The following NDE1 variants were observed in gnomAD, a reference collection of about 807,000 sequenced individuals.
NDE1 encodes the protein nudE neurodevelopment protein 1.
NDE1 carries 28 observed loss-of-function variants against 43.4 expected under a neutral mutation model. That is an observed-to-expected ratio of 0.65 (90% CI 0.48 to 0.89). The LOEUF is 0.89. Among genes scored for constraint, NDE1 ranks in the 40% least tolerant of loss-of-function variants. NDE1 has a pLI of 0.00. For missense variants in NDE1, 441 were observed against 434.1 expected (o/e 1.02, Z -0.14); for synonymous variants, 184 against 172.0 (o/e 1.07, Z -0.55).
intron 8 of NDE1, among the ~76,000 whole-genome samples, chr16:15,723,125 G>C (rs1296208669): frequency 6.6e-6 from 1 of 152,068 alleles, no homozygotes; most frequent in African/African-American, 2.4e-5. Context: ...CTTAAAAGTT[G>C]GTATTTAGGG....
intron 1 of NDE1, among the ~76,000 whole-genome samples, chr16:15,659,993 C>A (rs140832784): frequency 6.6e-6 from 1 of 151,452 alleles, no homozygotes; most frequent in African/African-American, 2.4e-5. Flanking sequence ...GTGATCTGCC[C>A]GCCTCGGCCT....
chr16:15,643,494 A>G (rs2036200706), exon 1 of NDE1: 2 of 401,972 alleles, frequency 5.0e-6, no homozygotes. Context: ...CCAGGATTTA[A>G]TAGAATTCAG....
At position 15,720,828 on chromosome 16, in the gene NDE1, G is replaced by C. The variant is rs761066365; in HGVS notation, c.948-3363G>C. ...CGACCTCCCTCTGCTGGCCTCCCCG[G>C]CAGCACGCACCTGTCTCTGCAGTTG... On this transcript the variant is annotated intron_variant, in intron 8 of 8. Coordinates refer to ENST00000396354, the MANE Select transcript of NDE1 (RefSeq NM_017668.3). 3.1e-6 allele frequency: 5 copies of C among 1,612,684 alleles called. No homozygotes were observed. Among genetic ancestry groups the C allele is most frequent in the Admixed American group, 3.3e-5 (2 of 59,968 alleles).
chr16:15,643,857 C>T (rs149326756), exon 1 of NDE1: 4 of 156,596 alleles, frequency 2.6e-5, no homozygotes, highest in African/African-American at 9.6e-5. Context: ...AAAAGCCCTG[C>T]TCCAAAGCTG....
intron 1 of NDE1, among the ~76,000 whole-genome samples, chr16:15,653,005 A>G (rs2036579816): frequency 6.6e-6 from 1 of 152,114 alleles, no homozygotes; most frequent in African/African-American, 2.4e-5. Flanking sequence ...CTTACTGTAT[A>G]TATGTGTATG....
At chr16:15,657,222 C>T (rs114326493) in intron 1 of NDE1, among the ~76,000 whole-genome samples, 4,435 of 151,980 alleles carry the variant, frequency 0.029, 92 homozygotes, top group South Asian at 0.068. Context: ...CTCAGTCTTC[C>T]GAGTAGCTGG....
At chr16:15,654,527 C>T (rs867296505) in intron 1 of NDE1, among the ~76,000 whole-genome samples, 24 of 137,916 alleles carry the variant, frequency 1.7e-4, no homozygotes, top group Admixed American at 1.7e-3. Flanking sequence ...CTTGAAGCTG[C>T]GAGGCAGAGG....
At chr16:15,651,010 C>T (rs1485061182) in intron 1 of NDE1, among the ~76,000 whole-genome samples, 4 of 152,188 alleles carry the variant, frequency 2.6e-5, no homozygotes, top group African/African-American at 9.7e-5. Context: ...AATGCTTATT[C>T]CGCAGCTTGA....
chr16:15,673,717 A>G (rs2037718834), intron 3 of NDE1, among the ~76,000 whole-genome samples: 1 of 151,952 alleles, frequency 6.6e-6, no homozygotes, highest in Non-Finnish European at 1.5e-5. Flanking sequence ...TTTTCTGTAG[A>G]GATGGAGTCT....
intron 8 of NDE1, among the ~76,000 whole-genome samples, chr16:15,723,578 G>T: frequency 6.6e-6 from 1 of 152,178 alleles, no homozygotes; most frequent in East Asian, 1.9e-4. Context: ...ACCCAGTGGT[G>T]GAGGTTGCGG....
chr16:15,647,085 A>AC (rs2036345939), upstream of NDE1, among the ~76,000 whole-genome samples: 1 of 152,230 alleles, frequency 6.6e-6, no homozygotes, highest in Non-Finnish European at 1.5e-5. Flanking sequence ...AAGGCATCAG[A>AC]CGTAGTAAAG....
At chr16:15,700,467 A>G (rs910630824) in intron 8 of NDE1, 72 of 143,666 alleles carry the variant, frequency 5.0e-4, no homozygotes, top group African/African-American at 1.7e-3. Context: ...TTTTTGAGAC[A>G]GAGTCATGCT....
At position 15,694,276 on chromosome 16, in the gene NDE1, G is replaced by T. The variant is rs2038902134; in HGVS notation, c.795+20G>T. On this transcript the variant is annotated intron_variant, in intron 7 of 8. Transcript: ENST00000396354. ...GTCGGGGTAAGACCACACTTTCCTG[G>T]CGTTTGGTGCCTTCCTGCCTGTCTT... is the stretch of plus-strand genomic sequence containing the variant. The T allele has an allele frequency of 1.2e-6, 2 of 1,610,424 alleles. No homozygotes were observed. Among genetic ancestry groups the T allele is most frequent in the Non-Finnish European group, 1.7e-6 (2 of 1,178,708 alleles).
At chr16:15,704,228 A>T in intron 8 of NDE1, 2 of 1,413,512 alleles carry the variant, frequency 1.4e-6, no homozygotes, top group Non-Finnish European at 1.9e-6. Flanking sequence ...CTATTGCAAT[A>T]TAAATTTTTT....
chr16:15,697,817 G>GT lies in NDE1; in HGVS notation c.947+967dup, dbSNP rs1027613355. On this transcript the variant is annotated intron_variant, in intron 8 of 8. Transcript: ENST00000396354. Reference sequence around the variant, plus strand: ...GAAGTTTTTTTTTTTGTTTTGTTTTGTTTTTTTTTTGAGACGTCTTGCTCT... The same window carrying GT: ...GAAGTTTTTTTTTTTGTTTTGTTTTGTTTTTTTTTTTGAGACGTCTTGCTCT... Among the ~76,000 whole-genome samples, 808 of 143,120 alleles carry GT rather than the reference G, an allele frequency of 5.6e-3. 3 individuals are homozygous for GT. The highest frequency in any genetic ancestry group is 0.014 in the African/African-American group (558 of 39,244). 93.9% of individuals were successfully genotyped at this position (143,120 alleles called of 152,430 possible). A position where few individuals can be genotyped will look rare whatever the true frequency, so the allele number is the denominator to read the frequency against.
chr16:15,719,264 C>A (rs1314529435), intron 8 of NDE1: 1 of 1,613,400 alleles, frequency 6.2e-7, no homozygotes, highest in Non-Finnish European at 8.5e-7. Flanking sequence ...GTTCCTCCTT[C>A]TCGAGGTCCG....
In NDE1 at chr16:15,694,263, C is replaced by G; in HGVS notation, c.795+7C>G. On this transcript the variant is annotated splice_region_variant and intron_variant, in intron 7 of 8. Coordinates refer to ENST00000396354, the MANE Select transcript of NDE1 (RefSeq NM_017668.3). ...CCTACTGCGGAAAGTCGGGGTAAGA[C>G]CACACTTTCCTGGCGTTTGGTGCCT... 6.2e-7 allele frequency: 1 copy of G among 1,612,836 alleles called. No homozygotes were observed. Among genetic ancestry groups the G allele is most frequent in the Middle Eastern group, 1.7e-4 (1 of 5,958 alleles).
chr16:15,671,020 A>G (rs1277595682), intron 3 of NDE1, among the ~76,000 whole-genome samples: 2 of 152,122 alleles, frequency 1.3e-5, no homozygotes, highest in Admixed American at 6.6e-5. Context: ...GTGTTGTTTG[A>G]TCGCCTTCAG....
Position 15,724,267 on chromosome 16 carries a change from T to C in NDE1, c.*16T>C. On this transcript the variant is annotated 3_prime_UTR_variant, in exon 9 of 9. Coordinates refer to ENST00000396354, the MANE Select transcript of NDE1 (RefSeq NM_017668.3). ...CTCCTGCTGAAGCCTGTTCTTGGTC[T>C]TTTCCAGTTTATCATAAGCGGCCGC... 3 of 1,614,226 alleles carry C rather than the reference T, an allele frequency of 1.9e-6. No homozygotes were observed. Among genetic ancestry groups the C allele is most frequent in the South Asian group, 1.1e-5 (1 of 91,082 alleles).
Sources: allele counts gnomAD v4.1 joint callset (sites outside exome capture counted in the v4.1 genomes callset), GRCh38; gene constraint gnomAD v4.1.1; transcripts MANE v1.5; gene names NCBI Gene and HGNC (gene_info 2026-07-23, HGNC 2026-07-21).